The following ARHGAP6 variants were observed in gnomAD, a reference collection of about 807,000 sequenced individuals.
The protein encoded by ARHGAP6 is rho GTPase-activating protein 6.
Under a neutral mutation model 55.7 loss-of-function variants are expected in ARHGAP6, and 16 were observed. The observed-to-expected ratio is 0.29, with a 90% CI of 0.19 to 0.44. The LOEUF (loss-of-function observed/expected upper bound fraction) is 0.44, where lower values mean the gene tolerates loss of function less well. ARHGAP6 is among the 20% of genes least tolerant of loss of function. The pLI is 1.00. For synonymous variants in ARHGAP6, 382 were observed against 360.9 expected (o/e 1.06, Z -0.66); for missense variants, 698 against 808.9 (o/e 0.86, Z 1.66).
intron 1 of ARHGAP6, among the ~76,000 whole-genome samples, chrX:11,639,492 T>C (rs764469295): frequency 1.8e-5 from 2 of 110,759 alleles, no homozygotes; most frequent in Non-Finnish European, 3.8e-5. Context: ...GATAGTTTGC[T>C]GAGAATGATG....
intron 1 of ARHGAP6, among the ~76,000 whole-genome samples, chrX:11,255,049 C>T (rs1313595597): frequency 9.0e-6 from 1 of 111,601 alleles, no homozygotes; most frequent in Non-Finnish European, 1.9e-5. Flanking sequence ...TGTGCTGCTG[C>T]TAATTGCCAT....
At chrX:11,526,568 A>C (rs1004602652) in intron 1 of ARHGAP6, among the ~76,000 whole-genome samples, 1 of 111,522 alleles carries the variant, frequency 9.0e-6, no homozygotes, top group Non-Finnish European at 1.9e-5. Flanking sequence ...CAGGGAAAGA[A>C]ATTTCATTCA....
At chrX:11,548,032 T>TAA (rs112050481) in intron 1 of ARHGAP6, among the ~76,000 whole-genome samples, 1 of 105,985 alleles carries the variant, frequency 9.4e-6, no homozygotes, top group Admixed American at 1.0e-4. Flanking sequence ...TGGAGAGCTG[T>TAA]AAAAAAAAAA....
At chrX:11,633,104 C>T (rs1262563644) in intron 1 of ARHGAP6, among the ~76,000 whole-genome samples, 1 of 112,317 alleles carries the variant, frequency 8.9e-6, no homozygotes, top group Non-Finnish European at 1.9e-5. Context: ...CCTTCCTACT[C>T]CACTACTGTT....
At chrX:11,224,858 A>G (rs2047025545) in intron 2 of ARHGAP6, among the ~76,000 whole-genome samples, 1 of 110,841 alleles carries the variant, frequency 9.0e-6, no homozygotes, top group Admixed American at 9.6e-5. Flanking sequence ...GGGAAGATGG[A>G]GAAATAGCTG....
intron 1 of ARHGAP6, among the ~76,000 whole-genome samples, chrX:11,387,336 A>G (rs1298617997): frequency 9.0e-6 from 1 of 111,582 alleles, no homozygotes; most frequent in African/African-American, 3.3e-5. Context: ...CTCCCAGGTG[A>G]TCTCAATTTG....
At chrX:11,367,691 TAA>T (rs2049099012) in intron 1 of ARHGAP6, 11 of 419,014 alleles carry the variant, frequency 2.6e-5, no homozygotes, top group Middle Eastern at 1.4e-3. Context: ...TTGATGGGGC[TAA>T]GTTTCTGGAA....
At chrX:11,489,060 T>A (rs1005589358) in intron 1 of ARHGAP6, among the ~76,000 whole-genome samples, 8 of 112,538 alleles carry the variant, frequency 7.1e-5, no homozygotes, top group African/African-American at 2.3e-4. Context: ...AGATAGTTTA[T>A]GAGAAGTTCC....
intron 1 of ARHGAP6, among the ~76,000 whole-genome samples, chrX:11,299,644 A>T (rs1272910965): frequency 8.9e-6 from 1 of 112,184 alleles, no homozygotes; most frequent in Non-Finnish European, 1.9e-5. Context: ...AACAAAACAA[A>T]CTTAATCTAC....
intron 1 of ARHGAP6, among the ~76,000 whole-genome samples, chrX:11,641,385 A>G (rs775818371): frequency 1.8e-5 from 2 of 111,823 alleles, no homozygotes; most frequent in African/African-American, 3.2e-5. Flanking sequence ...AAAGACACTT[A>G]TCTTGTCCTT....
rs191566029 is a variant in ARHGAP6 at position 11,240,602 on chromosome X, A to T, written c.748+13946T>A. On this transcript the variant is annotated intron_variant, in intron 2 of 12. Transcript: ENST00000337414. Reference sequence around the variant, plus strand: ...TCTGTTTAAATGTCATCTTCCATACACTGATCTATCCATCCACCCATCCAC... The same window carrying T: ...TCTGTTTAAATGTCATCTTCCATACTCTGATCTATCCATCCACCCATCCAC... Among the ~76,000 whole-genome samples the T allele has an allele frequency of 4.5e-5, 5 of 111,710 alleles. No homozygotes were observed. The East Asian group carries it at 1.4e-3, about 31-fold the overall frequency.
chrX:11,523,862 C>T (rs979862408), intron 1 of ARHGAP6, among the ~76,000 whole-genome samples: 2 of 111,085 alleles, frequency 1.8e-5, no homozygotes, highest in South Asian at 3.8e-4. Context: ...ACAGGAATGG[C>T]GGTATAATGG....
intron 5 of ARHGAP6, among the ~76,000 whole-genome samples, chrX:11,185,861 C>A (rs982864233): frequency 2.7e-5 from 3 of 111,291 alleles, no homozygotes; most frequent in Non-Finnish European, 5.7e-5. Context: ...TTAAAGGAAA[C>A]TTTGTGAGTA....
intron 1 of ARHGAP6, among the ~76,000 whole-genome samples, chrX:11,558,487 T>C (rs1294371295): frequency 4.5e-5 from 5 of 111,429 alleles, no homozygotes; most frequent in Non-Finnish European, 1.9e-5. Context: ...CAAAGGATCA[T>C]GAAGACTTTA....
intron 1 of ARHGAP6, among the ~76,000 whole-genome samples, chrX:11,578,294 G>T (rs889309513): frequency 9.0e-6 from 1 of 111,262 alleles, no homozygotes; most frequent in African/African-American, 3.3e-5. Flanking sequence ...ACCAATGAAG[G>T]GTTATCACTT....
chrX:11,315,475 C>T (rs1408896878), intron 1 of ARHGAP6, among the ~76,000 whole-genome samples: 1 of 111,857 alleles, frequency 8.9e-6, no homozygotes, highest in Non-Finnish European at 1.9e-5. Flanking sequence ...AGGCCATGGA[C>T]TGGTACTGGT....
At chrX:11,477,869 A>G (rs2050418992) in intron 1 of ARHGAP6, among the ~76,000 whole-genome samples, 1 of 111,859 alleles carries the variant, frequency 8.9e-6, no homozygotes, top group Admixed American at 9.4e-5. Context: ...AGGGGCATGA[A>G]GAGTTTCTTT....
At chrX:11,249,930 G>A (rs1274211195) in intron 2 of ARHGAP6, among the ~76,000 whole-genome samples, 1 of 111,273 alleles carries the variant, frequency 9.0e-6, no homozygotes, top group Non-Finnish European at 1.9e-5. Flanking sequence ...ATCATTTATA[G>A]TTTCATTTTT....
At chrX:11,211,263 C>A in intron 2 of ARHGAP6, among the ~76,000 whole-genome samples, 1 of 105,390 alleles carries the variant, frequency 9.5e-6, no homozygotes, top group Middle Eastern at 4.7e-3. Flanking sequence ...CCTCTGTCGC[C>A]CAGGCTGGAG....
Sources: allele counts gnomAD v4.1 joint callset (sites outside exome capture counted in the v4.1 genomes callset), GRCh38; gene constraint gnomAD v4.1.1; transcripts MANE v1.5; gene names NCBI Gene and HGNC (gene_info 2026-07-23, HGNC 2026-07-21).